IFIH1: variants seen among roughly 807,000 people sequenced by gnomAD.
The protein encoded by IFIH1 is interferon-induced helicase C domain-containing protein 1.
In IFIH1, 125 loss-of-function variants were observed where a neutral mutation model predicts 107.4. That is an observed-to-expected ratio of 1.16 (90% CI 1.01 to 1.35). The LOEUF is 1.35. Ranked by LOEUF, IFIH1 falls within the 40% of genes most tolerant of loss-of-function variation. The pLI is 0.00. For missense variants in IFIH1, 1,333 were observed against 1,213.7 expected (o/e 1.10, Z -1.46); for synonymous variants, 458 against 413.2 (o/e 1.11, Z -1.31).
rs1178413834 is a variant in IFIH1 at position 162,306,784 on chromosome 2, T to C, written c.694A>G (p.Asn232Asp). The C allele has an allele frequency of 6.2e-7, 1 of 1,613,942 alleles. No homozygotes were observed. Among genetic ancestry groups the C allele is most frequent in the East Asian group, 2.2e-5 (1 of 44,836 alleles). ...ATGCCCCAGACCTCCTTCTCCAGAT[T>C]TGGCTGAACTGTGGTTGAAAGAAGT... is the stretch of plus-strand genomic sequence containing the variant. ...EQLLSTTVQP[N>D]LEKEVWGMEN... is the part of the protein sequence containing the mutation. The change falls in exon 3 of 16, where the codon AAT becomes GAT. Residue 232 changes from asparagine (N) to aspartate (D), a missense_variant. By Grantham distance (23) the Asn-to-Asp change is conservative. Coordinates refer to ENST00000649979, the MANE Select transcript of IFIH1 (RefSeq NM_022168.4).
intron 9 of IFIH1, among the ~76,000 whole-genome samples, chr2:162,277,965 A>G (rs549043719): frequency 5.2e-4 from 79 of 152,272 alleles, no homozygotes; most frequent in African/African-American, 1.8e-3. Context: ...GCCTTTGGAG[A>G]CAGAGCTATT....
At chr2:162,300,267 A>G (rs1683170797) in intron 3 of IFIH1, among the ~76,000 whole-genome samples, 1 of 152,186 alleles carries the variant, frequency 6.6e-6, no homozygotes, top group Admixed American at 6.5e-5. Flanking sequence ...ACATCCTAAA[A>G]TTGTGAAGGG....
At chr2:162,272,928 T>C (rs2105192671) in intron 12 of IFIH1, among the ~76,000 whole-genome samples, 1 of 152,328 alleles carries the variant, frequency 6.6e-6, no homozygotes, top group African/African-American at 2.4e-5. Flanking sequence ...TTTTGATTAA[T>C]AGAAACTTCT....
intron 3 of IFIH1, among the ~76,000 whole-genome samples, chr2:162,301,732 T>C (rs1376258758): frequency 6.6e-6 from 1 of 152,202 alleles, no homozygotes; most frequent in African/African-American, 2.4e-5. Context: ...TTAAAATGCT[T>C]TTAATAGAAA....
At chr2:162,305,592 A>G (rs1264850597) in intron 3 of IFIH1, among the ~76,000 whole-genome samples, 1 of 152,132 alleles carries the variant, frequency 6.6e-6, no homozygotes, top group Non-Finnish European at 1.5e-5. Flanking sequence ...AAAATAAAAT[A>G]AAATGAAATT....
chr2:162,272,155 C>T, intron 13 of IFIH1, 71 bp downstream of exon 13: 5 of 1,248,574 alleles, frequency 4.0e-6, no homozygotes, highest in Non-Finnish European at 5.8e-6. Flanking sequence ...GAATGAGTCA[C>T]AGAGATATCA....
chr2:162,281,340 T>G lies in IFIH1; in HGVS notation c.1512A>C (p.Glu504Asp). The G allele has an allele frequency of 1.9e-6, 3 of 1,611,834 alleles. No homozygotes were observed. Among genetic ancestry groups the G allele is most frequent in the Non-Finnish European group, 2.5e-6 (3 of 1,178,584 alleles). Residue 504 changes from glutamate to aspartate, a missense_variant, in exon 7 of 16, where the codon GAA becomes GAC. Coordinates refer to ENST00000649979, the MANE Select transcript of IFIH1 (RefSeq NM_022168.4). ...AATTATGACTTACTTTTAAAATGTGTTCTTCAGCTTTGGCTTGCTTCGTGG... is the reference window on the plus strand; with the variant it reads ...AATTATGACTTACTTTTAAAATGTGGTCTTCAGCTTTGGCTTGCTTCGTGG... ...GGATKQAKAE[E>D]HILKLCANLD...
At chr2:162,303,289 T>C (rs1683223036) in intron 3 of IFIH1, among the ~76,000 whole-genome samples, 1 of 152,186 alleles carries the variant, frequency 6.6e-6, no homozygotes, top group Non-Finnish European at 1.5e-5. Flanking sequence ...TAAGTTTTTG[T>C]ATTTTTAATA....
chr2:162,298,909 C>T (rs1468321098), intron 3 of IFIH1, among the ~76,000 whole-genome samples: 2 of 152,088 alleles, frequency 1.3e-5, no homozygotes, highest in African/African-American at 2.4e-5. Context: ...CATATTCTCT[C>T]CTGGATCCAA....
At chr2:162,275,718 A>G (rs775709496) in intron 11 of IFIH1, among the ~76,000 whole-genome samples, 4 of 152,200 alleles carry the variant, frequency 2.6e-5, no homozygotes, top group Admixed American at 2.0e-4. Context: ...CTCAGGGTCA[A>G]TGTGATTTTA....
chr2:162,310,543 G>C, intron 2 of IFIH1: 1 of 559,758 alleles, frequency 1.8e-6, no homozygotes, highest in African/African-American at 1.9e-5. Context: ...AGTAGAAAGA[G>C]TGTTGGTTGG....
chr2:162,317,627 A>G (rs564869927), intron 1 of IFIH1, among the ~76,000 whole-genome samples: 2 of 152,376 alleles, frequency 1.3e-5, no homozygotes, highest in South Asian at 4.1e-4. Context: ...AATACACATT[A>G]CGATTCTAGA....
chr2:162,279,819 G>C (rs978286022), intron 8 of IFIH1, among the ~76,000 whole-genome samples, 177 bp downstream of exon 8: 2 of 151,994 alleles, frequency 1.3e-5, no homozygotes, highest in Admixed American at 1.3e-4. Flanking sequence ...AAGAGGTCTA[G>C]AGGCGAGAAT....
chr2:162,279,072 A>T (rs1233835909), intron 8 of IFIH1, among the ~76,000 whole-genome samples: 1 of 152,124 alleles, frequency 6.6e-6, no homozygotes, highest in Admixed American at 6.6e-5. Flanking sequence ...AAATTCTTTT[A>T]AAAAATGTAC....
rs117608083 is a variant in IFIH1 at position 162,288,137 on chromosome 2, T to C, written c.1093A>G (p.Lys365Glu). The C allele has an allele frequency of 1.5e-4, 243 of 1,595,412 alleles. 2 individuals carry two copies. In the East Asian group the frequency reaches 4.3e-3, roughly 28 times the overall value. ...AGTGTTATGTGTTCTTTGAATACCTTATTGACAAGAACTATAACTTTTCCA... is the reference window on the plus strand; with the variant it reads ...AGTGTTATGTGTTCTTTGAATACCTCATTGACAAGAACTATAACTTTTCCA... Reference protein sequence around the residue: ...EPGKVIVLVNKVLLVEQLFRK... With the variant: ...EPGKVIVLVNEVLLVEQLFRK... The change falls in exon 5 of 16, where the codon AAG becomes GAG. Residue 365 changes from lysine (K) to glutamate (E), a missense_variant and splice_region_variant. Coordinates refer to ENST00000649979, the MANE Select transcript of IFIH1 (RefSeq NM_022168.4).
rs1026278939 is a variant in IFIH1, at chr2:162,299,341, TA to T, written c.770-5674del. 1.4e-4 allele frequency among the ~76,000 whole-genome samples: 22 copies of T among 152,138 alleles called. 1 individual carries two copies. The highest frequency in any genetic ancestry group is 1.2e-3 in the Admixed American group (19 of 15,290). ...GTGAATTAGAAACCTCTTTGGCTGG[TA>T]AGCACTTTTCAGGAAAGGCTGTAGG... On this transcript the variant is annotated intron_variant, in intron 3 of 15. Coordinates refer to ENST00000649979, the MANE Select transcript of IFIH1 (RefSeq NM_022168.4).
rs1331982994 is a variant in IFIH1 at position 162,288,186 on chromosome 2, G to A, written c.1044C>T (p.Asp348=). The change falls in exon 5 of 16, where the codon GAC becomes GAT. Residue 348 remains aspartate (D), a synonymous_variant. Coordinates refer to ENST00000649979, the MANE Select transcript of IFIH1 (RefSeq NM_022168.4). ...CAGGCTCAGATGCTTTTTTCTTCTT[G>A]TCTAAGTGATCCTTGGCAATGTAAA... ...VAVYIAKDHL[D]KKKKASEPGK... is the part of the protein sequence containing the mutation. The A allele has an allele frequency of 6.2e-7, 1 of 1,612,188 alleles. No homozygotes were observed. Among genetic ancestry groups the A allele is most frequent in the Admixed American group, 1.7e-5 (1 of 59,798 alleles).
chr2:162,314,173 T>C (rs1683428827), intron 1 of IFIH1, among the ~76,000 whole-genome samples: 1 of 152,214 alleles, frequency 6.6e-6, no homozygotes, highest in Admixed American at 6.5e-5. Context: ...ATAACTAAGA[T>C]GTAACAATGC....
rs139992539 is a variant in IFIH1, at chr2:162,282,341, T to TTA, written c.1306+24_1306+25insTA. ...TCATCAATATTACTATTAATTTTTT[T>TTA]AAAAAAATAAACACTTAAACTGACC... On this transcript the variant is annotated intron_variant, in intron 6 of 15. Transcript: ENST00000649979. The TTA allele has an allele frequency of 2.0e-6, 3 of 1,481,656 alleles. No individual in the cohort carries two copies. The African/African-American group carries it at 4.3e-5, about 21-fold the overall frequency. 91.8% of individuals were successfully genotyped at this position (1,481,656 alleles called of 1,614,324 possible). A position where few individuals can be genotyped will look rare whatever the true frequency, so the allele number is the denominator to read the frequency against.
Sources: allele counts gnomAD v4.1 joint callset (sites outside exome capture counted in the v4.1 genomes callset), GRCh38; gene constraint gnomAD v4.1.1; transcripts MANE v1.5; gene names NCBI Gene and HGNC (gene_info 2026-07-23, HGNC 2026-07-21).